Variants in AGBL1 observed in about 807,000 individuals in gnomAD.
AGBL1 encodes AGBL carboxypeptidase 1, also known as cytosolic carboxypeptidase 4.
Under a neutral mutation model 118.9 loss-of-function variants are expected in AGBL1, and 130 were observed. The ratio of observed to expected loss-of-function variants is 1.09; its 90% CI spans 0.95 to 1.26. The LOEUF (loss-of-function observed/expected upper bound fraction) is 1.26, where lower values mean the gene tolerates loss of function less well. Among genes scored for constraint, AGBL1 ranks in the 50% most tolerant of loss-of-function variants. The pLI, the probability that AGBL1 is intolerant of heterozygous loss-of-function variation, is 0.00. For synonymous variants in AGBL1, 555 were observed against 478.9 expected (o/e 1.16, Z -2.08); for missense variants, 1,584 against 1,298.1 (o/e 1.22, Z -3.38).
At position 86,613,254 on chromosome 15, in the gene AGBL1, G is replaced by A. The variant is rs1434349031; in HGVS notation, c.2994+58717G>A. 2.6e-5 allele frequency among the ~76,000 whole-genome samples: 4 copies of A among 152,198 alleles called. No individual in the cohort carries two copies. Among genetic ancestry groups the A allele is most frequent in the Non-Finnish European group, 5.9e-5 (4 of 68,044 alleles). ...AGGAATCGGAGCGAGAGGTTTGTTG[G>A]TTTTGGAACGTAAGATCCCAAACCA... is the stretch of plus-strand genomic sequence containing the variant. On this transcript the variant is annotated intron_variant, in intron 21 of 22. Coordinates refer to ENST00000614907, the MANE Select transcript of AGBL1 (RefSeq NM_001386094.1). The surrounding 1 kb of genome is among the most constrained non-coding windows in gnomAD (Gnocchi z 4.2).
intron 18 of AGBL1, among the ~76,000 whole-genome samples, chr15:86,417,760 C>T (rs1018065704): frequency 6.6e-6 from 1 of 152,190 alleles, no homozygotes; most frequent in African/African-American, 2.4e-5. Context: ...ACATGAGAGA[C>T]TGGCATGTTC....
At chr15:86,193,781 G>C (rs1236747608) in intron 5 of AGBL1, among the ~76,000 whole-genome samples, 1 of 152,158 alleles carries the variant, frequency 6.6e-6, no homozygotes, top group Non-Finnish European at 1.5e-5. Context: ...TTTGGAGGCT[G>C]TTCAAAACCT....
chr15:86,687,640 G>T (rs1407510002), intron 22 of AGBL1, among the ~76,000 whole-genome samples: 1 of 152,302 alleles, frequency 6.6e-6, no homozygotes, highest in Middle Eastern at 3.4e-3. Context: ...AAGTATGAGT[G>T]CCATAAGAGT....
rs568137535 is a variant in AGBL1 at position 86,780,206 on chromosome 15, G to A, written c.3158+105770G>A. Among the ~76,000 whole-genome samples, 14 of 151,942 alleles carry A rather than the reference G, an allele frequency of 9.2e-5. No homozygotes were observed. In the South Asian group the frequency reaches 2.5e-3, roughly 27 times the overall value. ...CATTTTCTTGCCATTGACATCAGTTGGCACAATACCATTTATTAAAAAGGC... is the reference window on the plus strand; with the variant it reads ...CATTTTCTTGCCATTGACATCAGTTAGCACAATACCATTTATTAAAAAGGC... On this transcript the variant is annotated intron_variant, in intron 22 of 22. Transcript: ENST00000614907.
chr15:86,863,411 A>C (rs1395091772), intron 22 of AGBL1, among the ~76,000 whole-genome samples: 3 of 152,126 alleles, frequency 2.0e-5, no homozygotes, highest in African/African-American at 7.2e-5. Context: ...ACTGTGACTC[A>C]GGCTCTAGAT....
At chr15:86,295,759 T>C (rs1415367482) in intron 17 of AGBL1, 1 of 166,094 alleles carries the variant, frequency 6.0e-6, no homozygotes, top group African/African-American at 2.4e-5. Context: ...GTTATGTGAC[T>C]CTCAGTCAGT....
intron 21 of AGBL1, among the ~76,000 whole-genome samples, chr15:86,633,651 A>C (rs969137891): frequency 6.6e-6 from 1 of 151,774 alleles, no homozygotes; most frequent in Non-Finnish European, 1.5e-5. Flanking sequence ...TCATTCTCTG[A>C]AATATTTGGA....
chr15:86,555,692 A>T (rs2083723998), intron 21 of AGBL1, among the ~76,000 whole-genome samples: 1 of 152,142 alleles, frequency 6.6e-6, no homozygotes, highest in South Asian at 2.1e-4. Context: ...GCATCAAGAG[A>T]TCTCACTCTT....
At chr15:86,174,965 C>T (rs1345266816) in intron 5 of AGBL1, among the ~76,000 whole-genome samples, 1 of 151,890 alleles carries the variant, frequency 6.6e-6, no homozygotes, top group Non-Finnish European at 1.5e-5. Flanking sequence ...CTATAGGTTT[C>T]TTTTTTTGTT....
chr15:86,863,085 G>A (rs1472639536), intron 22 of AGBL1, among the ~76,000 whole-genome samples: 2 of 152,148 alleles, frequency 1.3e-5, no homozygotes, highest in Non-Finnish European at 2.9e-5. Context: ...TCACTAGTTA[G>A]AGGTTCGAAA....
chr15:86,080,260 A>G, intron 1 of AGBL1: 1 of 366,194 alleles, frequency 2.7e-6, no homozygotes. Flanking sequence ...TCGTGGGATC[A>G]GAGGCTCTGG....
intron 17 of AGBL1, among the ~76,000 whole-genome samples, chr15:86,354,307 T>C (rs757863796): frequency 1.7e-4 from 26 of 152,232 alleles, no homozygotes; most frequent in Non-Finnish European, 3.4e-4. Flanking sequence ...TGCTAAGGCA[T>C]TCGATGGTTC....
chr15:86,899,281 A>C (rs2080177663), intron 22 of AGBL1, among the ~76,000 whole-genome samples: 1 of 152,216 alleles, frequency 6.6e-6, no homozygotes, highest in Non-Finnish European at 1.5e-5. Context: ...AAACTAAAGC[A>C]AGAGCAGAAA....
intron 22 of AGBL1, among the ~76,000 whole-genome samples, chr15:86,861,884 G>A (rs552323489): frequency 1.1e-4 from 16 of 152,262 alleles, no homozygotes; most frequent in South Asian, 2.1e-4. Flanking sequence ...AAAAATAAAC[G>A]CAATTCTGAA....
intron 22 of AGBL1, among the ~76,000 whole-genome samples, chr15:86,738,355 C>T (rs375732817): frequency 1.0e-3 from 154 of 151,966 alleles, no homozygotes; most frequent in African/African-American, 1.4e-3. Flanking sequence ...TCCTGTTCAA[C>T]GCAGTACTGG....
intron 21 of AGBL1, among the ~76,000 whole-genome samples, chr15:86,657,078 G>A (rs1190407498): frequency 6.6e-6 from 1 of 152,060 alleles, no homozygotes; most frequent in Non-Finnish European, 1.5e-5. Context: ...AACTGTTGCT[G>A]CTTCCAAGAC....
At chr15:86,815,062 C>T (rs1178977182) in intron 22 of AGBL1, among the ~76,000 whole-genome samples, 1 of 151,850 alleles carries the variant, frequency 6.6e-6, no homozygotes, top group Non-Finnish European at 1.5e-5. Flanking sequence ...CAATGTAAAT[C>T]TGAGGAAAGA....
chr15:86,950,658 G>A (rs531349545), intron 23 of AGBL1, among the ~76,000 whole-genome samples: 1 of 151,734 alleles, frequency 6.6e-6, no homozygotes, highest in African/African-American at 2.4e-5. Context: ...AGAGTGAAAT[G>A]TACTTGCAAT....
chr15:86,411,211 G>A (rs1263173988), intron 18 of AGBL1, among the ~76,000 whole-genome samples: 1 of 151,672 alleles, frequency 6.6e-6, no homozygotes, highest in Admixed American at 6.6e-5. Context: ...AGCTTTTCAG[G>A]GTGTCTGTAA....
Sources: gnomAD v4.1 joint callset for allele counts (sites outside exome capture counted in the v4.1 genomes callset) on GRCh38, gnomAD v4.1.1 for gene constraint, Gnocchi (gnomAD v3.1) non-coding constraint, MANE v1.5 for transcripts, NCBI Gene and HGNC (gene_info 2026-07-23, HGNC 2026-07-21) for gene names.